UBE2E3: variants seen among roughly 807,000 people sequenced by gnomAD.
UBE2E3 encodes the protein ubiquitin-conjugating enzyme E2 E3.
Under a neutral mutation model 23.6 loss-of-function variants are expected in UBE2E3, and 5 were observed. The observed-to-expected ratio is 0.21, with a 90% CI of 0.11 to 0.44. The LOEUF (loss-of-function observed/expected upper bound fraction) is 0.44. UBE2E3 is among the 20% of genes least tolerant of loss of function. The pLI, the probability that UBE2E3 is intolerant of heterozygous loss-of-function variation, is 0.99. For missense variants in UBE2E3, 81 were observed against 249.8 expected (o/e 0.32, Z 4.55); for synonymous variants, 78 against 87.5 (o/e 0.89, Z 0.60).
chr2:181,002,782 T>C lies in UBE2E3; in HGVS notation c.245+18689T>C, dbSNP rs1685027077. Among the ~76,000 whole-genome samples the C allele has an allele frequency of 5.9e-5, 9 of 152,368 alleles. No homozygotes were observed. In the South Asian group the frequency reaches 1.9e-3, roughly 32 times the overall value. ...TACTGTATTAGCAGAGATTTACAAT[T>C]GCTGCTCTGTGTTCTTTCACTTATC... On this transcript the variant is annotated intron_variant, in intron 3 of 5. Coordinates refer to ENST00000410062, the MANE Select transcript of UBE2E3 (RefSeq NM_006357.4).
intron 3 of UBE2E3, among the ~76,000 whole-genome samples, chr2:181,032,218 C>T (rs1462312728): frequency 2.0e-5 from 3 of 152,092 alleles, no homozygotes; most frequent in African/African-American, 4.8e-5. Context: ...AAGGCTAAAG[C>T]GAACATCATT....
At chr2:181,006,025 AG>A (rs1379155479) in intron 3 of UBE2E3, among the ~76,000 whole-genome samples, 1 of 152,204 alleles carries the variant, frequency 6.6e-6, no homozygotes, top group African/African-American at 2.4e-5. Flanking sequence ...TTATGGGCTA[AG>A]GACTGGGAGG....
chr2:181,057,101 A>G (rs1687011170), intron 3 of UBE2E3, among the ~76,000 whole-genome samples: 3 of 151,852 alleles, frequency 2.0e-5, no homozygotes, highest in South Asian at 2.1e-4. Context: ...AAGGACCCAT[A>G]TTAAAGGAGA....
intron 3 of UBE2E3, among the ~76,000 whole-genome samples, chr2:180,986,637 C>G (rs1255961271): frequency 1.3e-5 from 2 of 152,024 alleles, no homozygotes; most frequent in African/African-American, 4.8e-5. Context: ...TTCATAAATT[C>G]TAGAATATGT....
intron 4 of UBE2E3, among the ~76,000 whole-genome samples, chr2:181,058,137 A>G (rs1406965980): frequency 6.6e-6 from 1 of 151,754 alleles, no homozygotes; most frequent in African/African-American, 2.4e-5. Flanking sequence ...AATTAATAAT[A>G]CCTTAATTAA....
intron 3 of UBE2E3, among the ~76,000 whole-genome samples, chr2:180,998,100 A>T (rs535898773): frequency 6.6e-6 from 1 of 152,198 alleles, no homozygotes; most frequent in Non-Finnish European, 1.5e-5. Flanking sequence ...TGCCAGACTC[A>T]AAGTGTAGAG....
At chr2:181,062,009 G>A (rs1156918583) in intron 5 of UBE2E3, among the ~76,000 whole-genome samples, 1 of 151,450 alleles carries the variant, frequency 6.6e-6, no homozygotes, top group Non-Finnish European at 1.5e-5. Flanking sequence ...ATATCTTCAA[G>A]ATATATTAAG....
chr2:181,027,310 T>C (rs1685926245), intron 3 of UBE2E3, among the ~76,000 whole-genome samples: 1 of 151,942 alleles, frequency 6.6e-6, no homozygotes, highest in South Asian at 2.1e-4. Context: ...AGTTACAATA[T>C]CCTGCTTTTT....
At chr2:181,054,169 A>G (rs7562697) in intron 3 of UBE2E3, among the ~76,000 whole-genome samples, 96,239 of 151,654 alleles carry the variant, frequency 0.63, 31,349 homozygotes, top group Admixed American at 0.72. Context: ...TGCATGCAGA[A>G]TTTTGTGTGG....
At position 180,997,749 on chromosome 2, in the gene UBE2E3, G is replaced by A. The variant is rs578206574; in HGVS notation, c.245+13656G>A. Among the ~76,000 whole-genome samples, 7 of 152,198 alleles carry A rather than the reference G, an allele frequency of 4.6e-5. No homozygotes were observed. In the South Asian group the frequency reaches 1.2e-3, roughly 27 times the overall value. ...AAAAGTATTGTTTCCTATTACCTGA[G>A]TAAAAGTTGGGTTTTCTAGATTCTG... On this transcript the variant is annotated intron_variant, in intron 3 of 5. Transcript: ENST00000410062.
At chr2:181,010,960 T>G (rs938849444) in intron 3 of UBE2E3, among the ~76,000 whole-genome samples, 3 of 152,168 alleles carry the variant, frequency 2.0e-5, no homozygotes, top group Non-Finnish European at 4.4e-5. Flanking sequence ...AACTTCCTGC[T>G]GAAGGCTTGC....
At chr2:181,034,661 G>A (rs965515669) in intron 3 of UBE2E3, among the ~76,000 whole-genome samples, 1 of 150,610 alleles carries the variant, frequency 6.6e-6, no homozygotes, top group African/African-American at 2.4e-5. Flanking sequence ...ATGTACCCTA[G>A]AACTTAAAGT....
intron 3 of UBE2E3, among the ~76,000 whole-genome samples, chr2:181,042,851 T>TA (rs1425921131): frequency 1.3e-5 from 2 of 152,200 alleles, no homozygotes; most frequent in Non-Finnish European, 2.9e-5. Flanking sequence ...TGCCATCACA[T>TA]ACAGATGGAG....
chr2:181,051,106 T>C (rs1021121710), intron 3 of UBE2E3, among the ~76,000 whole-genome samples: 13 of 151,898 alleles, frequency 8.6e-5, no homozygotes, highest in African/African-American at 3.1e-4. Context: ...TTCTGCATGT[T>C]TTCATACTTT....
At chr2:180,988,622 C>T (rs1467199115) in intron 3 of UBE2E3, among the ~76,000 whole-genome samples, 2 of 152,090 alleles carry the variant, frequency 1.3e-5, no homozygotes, top group Non-Finnish European at 2.9e-5. Context: ...TTGCTGTTAC[C>T]TGCATTACCT....
chr2:181,010,154 G>A (rs1685275903), intron 3 of UBE2E3, among the ~76,000 whole-genome samples: 1 of 151,998 alleles, frequency 6.6e-6, no homozygotes, highest in Non-Finnish European at 1.5e-5. Context: ...TACCATAATG[G>A]TGTAATAATT....
At chr2:181,009,398 G>T (rs1328408162) in intron 3 of UBE2E3, among the ~76,000 whole-genome samples, 3 of 151,974 alleles carry the variant, frequency 2.0e-5, no homozygotes, top group Non-Finnish European at 4.4e-5. Flanking sequence ...CCATTCACAT[G>T]CAGTTCTTAC....
chr2:181,021,363 TTTTTG>T (rs1685665380), intron 3 of UBE2E3, among the ~76,000 whole-genome samples: 1 of 144,920 alleles, frequency 6.9e-6, no homozygotes, highest in African/African-American at 2.5e-5. Context: ...TCTTCTTTTT[TTTTTG>T]TTTTCTTTTC....
At chr2:181,043,987 CT>C (rs1686595733) in intron 3 of UBE2E3, among the ~76,000 whole-genome samples, 1 of 152,120 alleles carries the variant, frequency 6.6e-6, no homozygotes, top group Non-Finnish European at 1.5e-5. Flanking sequence ...TTTACAAAAA[CT>C]TTTATTCACG....
Sources: allele counts gnomAD v4.1 joint callset (sites outside exome capture counted in the v4.1 genomes callset), GRCh38; gene constraint gnomAD v4.1.1; transcripts MANE v1.5; gene names NCBI Gene and HGNC (gene_info 2026-07-23, HGNC 2026-07-21).